SGMS1: variants seen among roughly 807,000 people sequenced by gnomAD.
SGMS1 encodes the protein sphingomyelin synthase 1.
SGMS1 carries 13 observed loss-of-function variants against 46.2 expected under a neutral mutation model. The ratio of observed to expected loss-of-function variants is 0.28; its 90% CI spans 0.18 to 0.45. The LOEUF (loss-of-function observed/expected upper bound fraction) is 0.45, where lower values mean the gene tolerates loss of function less well. SGMS1 is among the 20% of genes least tolerant of loss of function. The pLI, the probability that SGMS1 is intolerant of heterozygous loss-of-function variation, is 1.00. For synonymous variants in SGMS1, 203 were observed against 187.8 expected (o/e 1.08, Z -0.66); for missense variants, 324 against 519.9 (o/e 0.62, Z 3.66).
chr10:50,493,048 C>G (rs566707459), intron 3 of SGMS1, among the ~76,000 whole-genome samples: 14 of 152,238 alleles, frequency 9.2e-5, no homozygotes, highest in African/African-American at 3.4e-4. Flanking sequence ...CCCCAGACAA[C>G]AATGCTGCTT....
chr10:50,340,494 T>C (rs140980543), intron 7 of SGMS1: 1 of 152,336 alleles, frequency 6.6e-6, no homozygotes, highest in African/African-American at 2.4e-5. Context: ...TATTTACAAT[T>C]GTAAAAACCA....
At chr10:50,398,700 T>A (rs2133530572) in intron 6 of SGMS1, among the ~76,000 whole-genome samples, 1 of 152,202 alleles carries the variant, frequency 6.6e-6, no homozygotes, top group Middle Eastern at 3.4e-3. Flanking sequence ...CATGAAGAAA[T>A]TAACCAAACA....
chr10:50,514,675 G>A lies in SGMS1; in HGVS notation c.-498+5156C>T, dbSNP rs904769310. Among the ~76,000 whole-genome samples the A allele has an allele frequency of 4.6e-5, 7 of 152,260 alleles. No homozygotes were observed. In the East Asian group the frequency reaches 1.4e-3, roughly 29 times the overall value. On this transcript the variant is annotated intron_variant, in intron 3 of 10. Coordinates refer to ENST00000361781, the MANE Select transcript of SGMS1 (RefSeq NM_147156.4). The stretch of plus-strand genomic sequence containing the variant: ...GATATCATAAACAAAGTTCTTTAAG[G>A]TCCTCAATAATTTTTAAAAGTATAG...
At chr10:50,606,781 G>A (rs1002747426) in intron 1 of SGMS1, among the ~76,000 whole-genome samples, 13 of 152,114 alleles carry the variant, frequency 8.5e-5, no homozygotes, top group African/African-American at 3.1e-4. Flanking sequence ...ATATGAACAA[G>A]GCATTATATT....
At chr10:50,592,004 T>G (rs749949685) in intron 1 of SGMS1, among the ~76,000 whole-genome samples, 2 of 152,178 alleles carry the variant, frequency 1.3e-5, no homozygotes, top group Non-Finnish European at 2.9e-5. Context: ...TCTCCTCCAC[T>G]TTTTAGCTTC....
intron 1 of SGMS1, among the ~76,000 whole-genome samples, chr10:50,608,571 G>A (rs755302757): frequency 3.9e-5 from 6 of 152,074 alleles, no homozygotes; most frequent in Non-Finnish European, 7.4e-5. Context: ...AGTGCTGGGA[G>A]AGAAAAGAGA....
chr10:50,377,002 A>G (rs1848531615), intron 6 of SGMS1, among the ~76,000 whole-genome samples: 1 of 152,236 alleles, frequency 6.6e-6, no homozygotes, highest in Admixed American at 6.5e-5. Flanking sequence ...TCAGTTTAAG[A>G]ACTTCTTGCA....
chr10:50,519,619 G>A (rs1446903201), intron 3 of SGMS1, among the ~76,000 whole-genome samples: 2 of 152,174 alleles, frequency 1.3e-5, no homozygotes, highest in East Asian at 3.8e-4. Context: ...CTCCAGTGGG[G>A]GAGCTGGCCT....
intron 6 of SGMS1, among the ~76,000 whole-genome samples, chr10:50,348,567 T>C (rs1168104422): frequency 6.6e-6 from 1 of 152,082 alleles, no homozygotes; most frequent in African/African-American, 2.4e-5. Flanking sequence ...CCATTCACAA[T>C]TGCTACAAAG....
chr10:50,413,349 G>A (rs1204956520), intron 6 of SGMS1, among the ~76,000 whole-genome samples: 1 of 152,196 alleles, frequency 6.6e-6, no homozygotes, highest in Non-Finnish European at 1.5e-5. Flanking sequence ...TGCTGCTGAT[G>A]ATAAAATGTG....
chr10:50,587,733 T>A (rs1304783785), intron 2 of SGMS1, among the ~76,000 whole-genome samples: 1 of 151,538 alleles, frequency 6.6e-6, no homozygotes, highest in African/African-American at 2.4e-5. Flanking sequence ...TATTACTAGT[T>A]ACATTTTCAG....
intron 6 of SGMS1, among the ~76,000 whole-genome samples, chr10:50,364,792 A>C (rs543251445): frequency 1.2e-4 from 18 of 152,250 alleles, no homozygotes; most frequent in African/African-American, 4.1e-4. Context: ...AGAGGATGCA[A>C]TATTTCAGTT....
intron 7 of SGMS1, among the ~76,000 whole-genome samples, chr10:50,339,383 C>T (rs148776067): frequency 2.0e-3 from 308 of 152,346 alleles, no homozygotes; most frequent in Non-Finnish European, 3.1e-3. Context: ...TATTCACTCT[C>T]ATTTGATTCA....
chr10:50,580,928 T>A (rs1838427372), intron 2 of SGMS1, among the ~76,000 whole-genome samples: 1 of 152,198 alleles, frequency 6.6e-6, no homozygotes, highest in South Asian at 2.1e-4. Flanking sequence ...GTGTTTTTAC[T>A]ACAATATGTT....
At chr10:50,497,250 AATAAG>A (rs1837622927) in intron 3 of SGMS1, among the ~76,000 whole-genome samples, 2 of 152,238 alleles carry the variant, frequency 1.3e-5, no homozygotes, top group South Asian at 4.1e-4. Context: ...AAAGTTGTCT[AATAAG>A]GATCATTATG....
chr10:50,442,242 A>T (rs1849555665), intron 5 of SGMS1, among the ~76,000 whole-genome samples: 2 of 151,210 alleles, frequency 1.3e-5, no homozygotes, highest in African/African-American at 4.9e-5. Context: ...TTACATAGGT[A>T]AACTTGTGTC....
intron 5 of SGMS1, among the ~76,000 whole-genome samples, chr10:50,450,825 T>C (rs1198776585): frequency 6.6e-6 from 1 of 151,968 alleles, no homozygotes; most frequent in Non-Finnish European, 1.5e-5. Flanking sequence ...TAAACTTTCC[T>C]TATCAACTTA....
chr10:50,476,366 C>A (rs903954949), intron 3 of SGMS1, among the ~76,000 whole-genome samples: 1 of 151,594 alleles, frequency 6.6e-6, no homozygotes, highest in Non-Finnish European at 1.5e-5. Flanking sequence ...ATAAGAGAAG[C>A]AGGGCACTGC....
intron 6 of SGMS1, among the ~76,000 whole-genome samples, chr10:50,392,826 A>C (rs1159315387): frequency 6.6e-6 from 1 of 152,178 alleles, no homozygotes; most frequent in Non-Finnish European, 1.5e-5. Context: ...AGAATCCAGA[A>C]AGTTGATTGT....
Sources: gnomAD v4.1 joint callset for allele counts (sites outside exome capture counted in the v4.1 genomes callset) on GRCh38, gnomAD v4.1.1 for gene constraint, MANE v1.5 for transcripts, NCBI Gene and HGNC (gene_info 2026-07-23, HGNC 2026-07-21) for gene names.